Variants in PDE10A observed in about 807,000 individuals in gnomAD.
The protein encoded by PDE10A is cAMP and cAMP-inhibited cGMP 3',5'-cyclic phosphodiesterase 10A.
In PDE10A, 39 loss-of-function variants were observed where a neutral mutation model predicts 97.7. The observed-to-expected ratio is 0.40, with a 90% CI of 0.31 to 0.52. The LOEUF (loss-of-function observed/expected upper bound fraction) is 0.52, where lower values mean the gene tolerates loss of function less well. PDE10A is among the 20% of genes least tolerant of loss of function. PDE10A has a pLI of 0.56. For missense variants in PDE10A, 731 were observed against 1,047.8 expected (o/e 0.70, Z 4.17); for synonymous variants, 371 against 376.8 (o/e 0.98, Z 0.18).
In PDE10A at chr6:165,503,820, A is replaced by G. The variant is rs1216815239; in HGVS notation, c.995-21477T>C. Among the ~76,000 whole-genome samples, 5 of 152,212 alleles carry G rather than the reference A, an allele frequency of 3.3e-5. 1 individual carries two copies. Among genetic ancestry groups the G allele is most frequent in the South Asian group, 4.1e-4 (2 of 4,828 alleles). ...CAAAAGAAATGAAATTAATGCAAAA[A>G]AAAATAAGTAACTGAAAGATCTTTA... On this transcript the variant is annotated intron_variant, in intron 2 of 21. Transcript: ENST00000539869.
chr6:165,805,165 C>T (rs1212507479), intron 1 of PDE10A, among the ~76,000 whole-genome samples: 1 of 151,890 alleles, frequency 6.6e-6, no homozygotes, highest in East Asian at 2.0e-4. Flanking sequence ...GGCGGCGGGG[C>T]GTGGGACGCG....
At chr6:165,627,976 T>A (rs1419427908) in intron 1 of PDE10A, among the ~76,000 whole-genome samples, 3 of 152,218 alleles carry the variant, frequency 2.0e-5, no homozygotes, top group African/African-American at 7.2e-5. Flanking sequence ...TTACACATAA[T>A]TGTGACACCT....
intron 1 of PDE10A, among the ~76,000 whole-genome samples, chr6:165,933,809 A>T (rs1253418205): frequency 6.6e-6 from 1 of 152,180 alleles, no homozygotes; most frequent in African/African-American, 2.4e-5. Flanking sequence ...ACATACAGGG[A>T]GACATCTCAG....
chr6:165,860,520 C>G (rs907887890), intron 1 of PDE10A, among the ~76,000 whole-genome samples: 1 of 152,148 alleles, frequency 6.6e-6, no homozygotes, highest in Admixed American at 6.5e-5. Context: ...GCAAAGGACC[C>G]TTGTTTACAG....
chr6:165,732,101 A>G (rs934356606), intron 1 of PDE10A, among the ~76,000 whole-genome samples: 3 of 152,228 alleles, frequency 2.0e-5, no homozygotes, highest in Non-Finnish European at 2.9e-5. Context: ...TGCCATGACC[A>G]TCAGGAAGCT....
rs537693813 is a variant in PDE10A at position 165,911,759 on chromosome 6, C to T, written c.-615+75770G>A. On this transcript the variant is annotated intron_variant, in intron 1 of 19. Coordinates refer to the PDE10A transcript ENST00000366882. ...CAAGACCCTTAGCTTGCCTTCCAGG[C>T]CTACCCCCAAGAGGGACTGAAGCAC... Among the ~76,000 whole-genome samples, 19 of 152,336 alleles carry T rather than the reference C, an allele frequency of 1.2e-4. No homozygotes were observed. The East Asian group carries it at 1.5e-3, about 12-fold the overall frequency.
intron 17 of PDE10A, among the ~76,000 whole-genome samples, chr6:165,385,264 A>G (rs1785225806): frequency 6.6e-6 from 1 of 152,122 alleles, no homozygotes; most frequent in Non-Finnish European, 1.5e-5. Context: ...TCCTGGGTCA[A>G]TGAGATTGCC....
chr6:165,450,266 C>T lies in PDE10A; in HGVS notation c.1120G>A (p.Glu374Lys). 1 of 1,606,756 alleles carries T rather than the reference C, an allele frequency of 6.2e-7. No individual in the cohort carries two copies. ...TGGDNQLLLY[E>K]LSSIIKIATK... ...CCTATTTTAATGATGCTGCTCAGTT[C>T]ATAGAGGAGTAGCTGGTTGTCTCCT... Residue 374 changes from glutamate (E) to lysine (K), a missense_variant, in exon 4 of 22, where the codon GAA (glutamate) becomes AAA (lysine). Physicochemically the swap from Glu to Lys is moderately conservative, Grantham distance 56. Coordinates refer to ENST00000539869, the MANE Select transcript of PDE10A (RefSeq NM_001385079.1).
intron 1 of PDE10A, among the ~76,000 whole-genome samples, chr6:165,632,695 C>T (rs528991710): frequency 3.5e-4 from 54 of 152,302 alleles, no homozygotes; most frequent in Middle Eastern, 3.4e-3. Context: ...ATGATACAAC[C>T]ATGAGGGGTG....
intron 1 of PDE10A, chr6:165,576,568 ATAAC>A (rs1785317861): frequency 1.3e-5 from 9 of 689,182 alleles, no homozygotes; most frequent in Non-Finnish European, 2.1e-5. Context: ...AAAAAATCAA[ATAAC>A]TAACAGATAA....
At chr6:165,411,786 A>AAG (rs146225696) in intron 13 of PDE10A, among the ~76,000 whole-genome samples, 1 of 152,222 alleles carries the variant, frequency 6.6e-6, no homozygotes, top group East Asian at 1.9e-4. Flanking sequence ...TTAACAGAGA[A>AAG]AGAGAGAGAC....
intron 1 of PDE10A, chr6:165,780,839 G>A (rs1331886927): frequency 6.6e-6 from 1 of 152,264 alleles, no homozygotes; most frequent in Non-Finnish European, 1.5e-5. Context: ...CTGCTGGATG[G>A]TTCAGTTCTA....
At chr6:165,705,813 G>A (rs1791694732) in intron 1 of PDE10A, among the ~76,000 whole-genome samples, 1 of 152,120 alleles carries the variant, frequency 6.6e-6, no homozygotes, top group Admixed American at 6.6e-5. Context: ...CAAGCAATGG[G>A]AATTTTTAAA....
intron 3 of PDE10A, among the ~76,000 whole-genome samples, chr6:165,474,796 A>G (rs1779203408): frequency 6.6e-6 from 1 of 152,224 alleles, no homozygotes; most frequent in African/African-American, 2.4e-5. Flanking sequence ...TGACATTACT[A>G]TTACAGAGAA....
intron 1 of PDE10A, among the ~76,000 whole-genome samples, chr6:165,849,929 T>C (rs1283471877): frequency 6.6e-6 from 1 of 152,212 alleles, no homozygotes; most frequent in East Asian, 1.9e-4. Flanking sequence ...GGTACTTCCC[T>C]TTTAATCACA....
chr6:165,441,425 G>T (rs988016783), intron 5 of PDE10A, among the ~76,000 whole-genome samples: 1 of 152,048 alleles, frequency 6.6e-6, no homozygotes, highest in Non-Finnish European at 1.5e-5. Flanking sequence ...TGTTTTAAAC[G>T]GTTTGTTAAA....
At chr6:165,465,645 A>C (rs965169482) in intron 3 of PDE10A, among the ~76,000 whole-genome samples, 1 of 152,228 alleles carries the variant, frequency 6.6e-6, no homozygotes, top group African/African-American at 2.4e-5. Context: ...AGTGGAAGGT[A>C]CCACGTCACA....
At chr6:165,406,113 G>C (rs1234381683) in intron 13 of PDE10A, among the ~76,000 whole-genome samples, 4 of 152,024 alleles carry the variant, frequency 2.6e-5, no homozygotes, top group African/African-American at 9.7e-5. Context: ...CTATAAACTT[G>C]TAGACTTGGA....
chr6:165,432,572 G>A (rs898982963), intron 7 of PDE10A, among the ~76,000 whole-genome samples: 4 of 152,164 alleles, frequency 2.6e-5, no homozygotes, highest in African/African-American at 9.7e-5. Context: ...CCTATTGAGT[G>A]AATAGTGAAT....
Sources: allele counts gnomAD v4.1 joint callset (sites outside exome capture counted in the v4.1 genomes callset), GRCh38; gene constraint gnomAD v4.1.1; transcripts MANE v1.5; gene names NCBI Gene and HGNC (gene_info 2026-07-23, HGNC 2026-07-21).